NR2F1-AS1: variants seen among roughly 807,000 people sequenced by gnomAD.
NR2F1-AS1 encodes NR2F1 regulatory antisense RNA 1.
At chr5:93,482,477 T>C (rs1750620995) in intron 4 of NR2F1-AS1, among the ~76,000 whole-genome samples, 1 of 151,970 alleles carries the variant, frequency 6.6e-6, no homozygotes, top group African/African-American at 2.4e-5. Flanking sequence ...TTCCCTCCAG[T>C]GCCTATATCA....
exon 1 of NR2F1-AS1, chr5:93,580,704 T>A (rs573400409): frequency 1.3e-5 from 2 of 152,852 alleles, no homozygotes; most frequent in South Asian, 2.1e-4. Flanking sequence ...GTATGGGGAG[T>A]ACGATTTAGA....
intron 4 of NR2F1-AS1, among the ~76,000 whole-genome samples, chr5:93,442,404 G>A (rs1221359754): frequency 1.3e-5 from 2 of 152,158 alleles, no homozygotes; most frequent in African/African-American, 4.8e-5. Context: ...TCCTGCACCT[G>A]GCTCGGAGGG....
chr5:93,415,533 C>A (rs1293072806), intron 4 of NR2F1-AS1, among the ~76,000 whole-genome samples: 1 of 152,138 alleles, frequency 6.6e-6, no homozygotes, highest in Non-Finnish European at 1.5e-5. Context: ...TCATAGAAAA[C>A]ATGGTTTGAC....
In NR2F1-AS1 at chr5:93,523,348, G is replaced by A. The variant is rs1173777065; in HGVS notation, n.638+30413C>T. The stretch of plus-strand genomic sequence containing the variant: ...CTCTGAAAGAAAGGCAGCAGTCCCA[G>A]TCAGGGGCTTATACATCAAACTCAC... On this transcript the variant is annotated intron_variant and non_coding_transcript_variant, in intron 4 of 5. Transcript: ENST00000660523. Among the ~76,000 whole-genome samples the A allele has an allele frequency of 5.9e-5, 9 of 152,330 alleles. No individual in the cohort carries two copies. In the East Asian group the frequency reaches 1.5e-3, roughly 26 times the overall value.
At chr5:93,515,994 A>G (rs1751393913) in intron 4 of NR2F1-AS1, among the ~76,000 whole-genome samples, 1 of 151,902 alleles carries the variant, frequency 6.6e-6, no homozygotes, top group Admixed American at 6.6e-5. Flanking sequence ...CTGATGGCCA[A>G]GTTTTCATAG....
chr5:93,548,843 C>A (rs1752155777), intron 4 of NR2F1-AS1, among the ~76,000 whole-genome samples: 1 of 152,098 alleles, frequency 6.6e-6, no homozygotes, highest in Non-Finnish European at 1.5e-5. Flanking sequence ...CACACTCCAG[C>A]CTGGATGATA....
chr5:93,556,271 C>T (rs761450682), intron 2 of NR2F1-AS1, among the ~76,000 whole-genome samples: 12 of 152,154 alleles, frequency 7.9e-5, no homozygotes, highest in Admixed American at 6.5e-5. Context: ...TTCAGGAGTT[C>T]TCCTGTTTGT....
chr5:93,429,995 T>G (rs1054758459), intron 4 of NR2F1-AS1, among the ~76,000 whole-genome samples: 5 of 152,232 alleles, frequency 3.3e-5, no homozygotes, highest in Non-Finnish European at 7.3e-5. Context: ...TATTATCTTA[T>G]GCAGAGTTTA....
chr5:93,499,756 G>A (rs900697976), intron 4 of NR2F1-AS1, among the ~76,000 whole-genome samples: 4 of 152,258 alleles, frequency 2.6e-5, no homozygotes, highest in African/African-American at 4.8e-5. Flanking sequence ...GCCAAGTTAC[G>A]AATGTAAAGT....
chr5:93,480,711 A>G lies in NR2F1-AS1; in HGVS notation n.638+73050T>C, dbSNP rs550575446. 3.2e-4 allele frequency among the ~76,000 whole-genome samples: 48 copies of G among 152,284 alleles called. No homozygotes were observed. In the South Asian group the frequency reaches 8.5e-3, roughly 27 times the overall value. On this transcript the variant is annotated intron_variant and non_coding_transcript_variant, in intron 4 of 5. Transcript: ENST00000660523. The stretch of plus-strand genomic sequence containing the variant: ...ATATATGTCAATGGGCACATAATGC[A>G]TAAAGATACAATTTGTGACAGTAAC...
chr5:93,542,266 C>T (rs1170415326), intron 4 of NR2F1-AS1: 1 of 151,668 alleles, frequency 6.6e-6, no homozygotes, highest in Non-Finnish European at 1.5e-5. Flanking sequence ...AGTATGACAA[C>T]TTATTAAGAC....
chr5:93,504,825 C>T (rs540051243), intron 4 of NR2F1-AS1, among the ~76,000 whole-genome samples: 7 of 152,212 alleles, frequency 4.6e-5, no homozygotes, highest in East Asian at 1.9e-4. Context: ...CTGGGAGATA[C>T]AATTCAAGTT....
At chr5:93,422,069 C>T (rs1432114274) in intron 4 of NR2F1-AS1, among the ~76,000 whole-genome samples, 1 of 152,168 alleles carries the variant, frequency 6.6e-6, no homozygotes, top group Admixed American at 6.5e-5. Context: ...TATGTGCTGG[C>T]GTGCATGCTG....
rs983775227 is a variant in NR2F1-AS1, at chr5:93,544,516, C to T, written n.638+9245G>A. 2.0e-5 allele frequency among the ~76,000 whole-genome samples: 3 copies of T among 152,280 alleles called. No homozygotes were observed. The East Asian group carries it at 5.8e-4, about 29-fold the overall frequency. ...TATTTTTGAGTCCCCAGGCAGCATA[C>T]TCTGAAGAATTTCCAATAATCTTAA... On this transcript the variant is annotated intron_variant and non_coding_transcript_variant, in intron 4 of 5. Coordinates refer to ENST00000660523, the Ensembl canonical transcript of NR2F1-AS1.
chr5:93,499,062 C>T (rs1751022619), intron 4 of NR2F1-AS1, among the ~76,000 whole-genome samples: 1 of 152,062 alleles, frequency 6.6e-6, no homozygotes, highest in Admixed American at 6.6e-5. Flanking sequence ...TTCAGAATAA[C>T]TGAATAATAC....
At chr5:93,441,804 C>T (rs1749576962) in intron 4 of NR2F1-AS1, among the ~76,000 whole-genome samples, 1 of 152,160 alleles carries the variant, frequency 6.6e-6, no homozygotes, top group Admixed American at 6.5e-5. Context: ...ACATTATATA[C>T]CATGTGTAGA....
chr5:93,437,160 G>T (rs570421115), intron 4 of NR2F1-AS1, among the ~76,000 whole-genome samples: 24 of 152,074 alleles, frequency 1.6e-4, no homozygotes, highest in African/African-American at 4.8e-4. Context: ...ATAACTTCTT[G>T]TTCTTGAGGT....
intron 4 of NR2F1-AS1, among the ~76,000 whole-genome samples, chr5:93,534,417 A>G (rs1473365392): frequency 6.6e-6 from 1 of 152,216 alleles, no homozygotes; most frequent in Non-Finnish European, 1.5e-5. Context: ...TCTAAGATGA[A>G]ATATTATTCA....
At chr5:93,439,142 GA>G (rs1749503806) in intron 4 of NR2F1-AS1, among the ~76,000 whole-genome samples, 1 of 152,220 alleles carries the variant, frequency 6.6e-6, no homozygotes, top group African/African-American at 2.4e-5. Context: ...ACATAGCCAA[GA>G]AGGACCATTA....
Sources: allele counts gnomAD v4.1 joint callset (sites outside exome capture counted in the v4.1 genomes callset), GRCh38; gene constraint gnomAD v4.1.1; transcripts MANE v1.5; gene names NCBI Gene and HGNC (gene_info 2026-07-23, HGNC 2026-07-21).